The following TSPEAR variants were observed in gnomAD, a reference collection of about 807,000 sequenced individuals.
TSPEAR encodes the protein thrombospondin-type laminin G domain and EAR repeat-containing protein.
A neutral mutation model predicts 71.6 loss-of-function variants in TSPEAR; 69 were observed. The ratio of observed to expected loss-of-function variants is 0.96; its 90% CI spans 0.79 to 1.18. The LOEUF (loss-of-function observed/expected upper bound fraction) is 1.18, where lower values mean the gene tolerates loss of function less well. Among genes scored for constraint, TSPEAR ranks in the 50% most tolerant of loss-of-function variants. The pLI is 0.00. For missense variants in TSPEAR, 971 were observed against 894.9 expected, an observed-to-expected ratio of 1.09 and a Z score of -1.09; for synonymous variants, 402 against 387.2, an observed-to-expected ratio of 1.04 and a Z score of -0.45.
chr21:44,590,774 G>GC (rs144476867), intron 1 of TSPEAR, among the ~76,000 whole-genome samples: 9,102 of 151,958 alleles, frequency 0.06, 866 homozygotes, highest in African/African-American at 0.21. Context: ...GGGGCCCAGA[G>GC]TGCTGCCAGG....
chr21:44,637,139 C>T (rs587635469), intron 1 of TSPEAR, among the ~76,000 whole-genome samples: 2 of 152,146 alleles, frequency 1.3e-5, no homozygotes, highest in African/African-American at 2.4e-5. Context: ...CTGGTGTTCC[C>T]GGGAGACAGG....
rs1555916971 is a variant in TSPEAR at position 44,539,878 on chromosome 21, G to T, written c.304-5955C>A. ...AGCAGGCCTGCTGGCAGGGGGAGGA[G>T]GTGCAGCAAGCCGGCTGGCAGCTAG... On this transcript the variant is annotated intron_variant, in intron 2 of 11. Transcript: ENST00000323084. The T allele has an allele frequency of 1.1e-5, 17 of 1,578,702 alleles. No individual in the cohort carries two copies. In the South Asian group the frequency reaches 1.3e-4, roughly 12 times the overall value.
intron 11 of TSPEAR, 138 bp from the exon 12 acceptor site, chr21:44,500,074 G>T: frequency 1.2e-6 from 1 of 856,016 alleles, no homozygotes; most frequent in Non-Finnish European, 1.7e-6. Flanking sequence ...GACTGGCACA[G>T]CGTGGGGAGA....
chr21:44,517,644 TATGAGAACTAACCCA>T, intron 9 of TSPEAR: 1 of 406,960 alleles, frequency 2.5e-6, no homozygotes, highest in Non-Finnish European at 5.0e-6. Flanking sequence ...TCTGACTTGA[TATGAGAACTAACCCA>T]ATATGGCAGG....
intron 1 of TSPEAR, among the ~76,000 whole-genome samples, chr21:44,652,144 C>T (rs1304974268): frequency 6.6e-6 from 1 of 151,980 alleles, no homozygotes; most frequent in Non-Finnish European, 1.5e-5. Context: ...CCACCTCTCC[C>T]GGCTAATTTT....
intron 1 of TSPEAR, chr21:44,677,313 G>C: frequency 1.0e-6 from 1 of 991,302 alleles, no homozygotes; most frequent in Non-Finnish European, 1.6e-6. Context: ...CCACTTAGCA[G>C]ACTTCTTCTT....
rs782705931 is a variant in TSPEAR at position 44,573,886 on chromosome 21, C to T, written c.83-5881G>A. 6.8e-6 allele frequency: 11 copies of T among 1,608,970 alleles called. No individual in the cohort carries two copies. The East Asian group carries it at 8.9e-5, about 13-fold the overall frequency. On this transcript the variant is annotated intron_variant, in intron 1 of 11. Transcript: ENST00000323084. ...AGCTGCTGCGAGCCCCCCTGCTGCG[C>T]CCCCAGCTGCTGCGCCCCGGCCCCC...
intron 2 of TSPEAR, chr21:44,539,353 G>C (rs587657321): frequency 2.5e-6 from 4 of 1,612,776 alleles, no homozygotes; most frequent in Non-Finnish European, 3.4e-6. Context: ...ACACGCAGGA[G>C]GCCGGGCGGC....
At chr21:44,621,611 C>A (rs1333109272) in intron 1 of TSPEAR, among the ~76,000 whole-genome samples, 1 of 152,138 alleles carries the variant, frequency 6.6e-6, no homozygotes, top group Non-Finnish European at 1.5e-5. Context: ...CACTAGAAGC[C>A]AATACTTCAG....
At position 44,642,138 on chromosome 21, in the gene TSPEAR, T is replaced by C. The variant is rs1314191369; in HGVS notation, c.82+69295A>G. ...ATATTTATCCTAAAATTTGGAAATATAAATTAAATGTACTGTGTCCTAAAA... is the reference window on the plus strand; with the variant it reads ...ATATTTATCCTAAAATTTGGAAATACAAATTAAATGTACTGTGTCCTAAAA... On this transcript the variant is annotated intron_variant, in intron 1 of 11. Transcript: ENST00000323084. The surrounding 1 kb of genome is among the most constrained non-coding windows in gnomAD (Gnocchi z 4.1). Among the ~76,000 whole-genome samples the C allele has an allele frequency of 2.0e-5, 3 of 152,322 alleles. No homozygotes were observed. Among genetic ancestry groups the C allele is most frequent in the South Asian group, 4.1e-4 (2 of 4,832 alleles).
intron 1 of TSPEAR, among the ~76,000 whole-genome samples, chr21:44,664,492 A>T (rs1209569753): frequency 1.3e-5 from 2 of 152,216 alleles, no homozygotes; most frequent in African/African-American, 4.8e-5. Flanking sequence ...CCCCAAATTG[A>T]TCTATATAGT....
intron 1 of TSPEAR, chr21:44,574,476 A>C: frequency 1.3e-6 from 2 of 1,596,282 alleles, no homozygotes; most frequent in Non-Finnish European, 1.7e-6. Flanking sequence ...TGTCTGCTGC[A>C]AGCCTGTGTG....
chr21:44,612,562 T>C lies in TSPEAR; in HGVS notation c.83-44557A>G. The C allele has an allele frequency of 6.2e-7, 1 of 1,613,994 alleles. No individual in the cohort carries two copies. The highest frequency in any genetic ancestry group is 8.5e-7 in the Non-Finnish European group (1 of 1,179,940). On this transcript the variant is annotated intron_variant, in intron 1 of 11. Coordinates refer to ENST00000323084, the MANE Select transcript of TSPEAR (RefSeq NM_144991.3). This position sits in a 1 kb window ranked among gnomAD's most constrained non-coding sequence, Gnocchi z 4.1. ...GCCAGCAGTCTAGCTGCCAGTCAGCTTGCTGCACCTTCTCCCCATGCCAAC... is the reference window on the plus strand; with the variant it reads ...GCCAGCAGTCTAGCTGCCAGTCAGCCTGCTGCACCTTCTCCCCATGCCAAC...
chr21:44,614,265 C>T (rs1354196123), intron 1 of TSPEAR, among the ~76,000 whole-genome samples: 1 of 152,252 alleles, frequency 6.6e-6, no homozygotes, highest in Non-Finnish European at 1.5e-5. Context: ...TGGGGATGGC[C>T]GTCCCCACTG....
chr21:44,674,731 A>AGTGTGT (rs59452363), intron 1 of TSPEAR, among the ~76,000 whole-genome samples: 2,023 of 127,068 alleles, frequency 0.016, 19 homozygotes, highest in Admixed American at 0.036. Flanking sequence ...CTGTCTTTAA[A>AGTGTGT]GTGTGTGTGT....
intron 2 of TSPEAR, among the ~76,000 whole-genome samples, chr21:44,555,784 C>G (rs113392606): frequency 0.066 from 10,117 of 152,188 alleles, 438 homozygotes; most frequent in Non-Finnish European, 0.098. Flanking sequence ...GGTCTGGGGA[C>G]AGCCCTTCCT....
intron 9 of TSPEAR, among the ~76,000 whole-genome samples, chr21:44,511,380 TTACA>T (rs1555912674): frequency 6.6e-6 from 1 of 151,084 alleles, no homozygotes; most frequent in Non-Finnish European, 1.5e-5. Context: ...ACATATATGC[TTACA>T]TTTTTACATG....
intron 1 of TSPEAR, among the ~76,000 whole-genome samples, chr21:44,605,631 T>C (rs1981256437): frequency 6.6e-6 from 1 of 152,078 alleles, no homozygotes. Flanking sequence ...GGGATAGAAA[T>C]CCCAGAAACA....
chr21:44,526,415 T>C (rs1555914946), intron 7 of TSPEAR, among the ~76,000 whole-genome samples: 1 of 152,194 alleles, frequency 6.6e-6, no homozygotes, highest in Admixed American at 6.5e-5. Flanking sequence ...TCCCCTTTGC[T>C]TTTCTGAATT....
Sources: allele counts gnomAD v4.1 joint callset (sites outside exome capture counted in the v4.1 genomes callset), GRCh38; gene constraint gnomAD v4.1.1; non-coding constraint Gnocchi (gnomAD v3.1); transcripts MANE v1.5; gene names NCBI Gene and HGNC (gene_info 2026-07-23, HGNC 2026-07-21).